ATP11A: variants seen among roughly 807,000 people sequenced by gnomAD.
ATP11A encodes the protein ATPase phospholipid transporting 11A, also known as phospholipid-transporting ATPase IH.
In ATP11A, 81 loss-of-function variants were observed where a neutral mutation model predicts 154.4. That is an observed-to-expected ratio of 0.52 (90% CI 0.44 to 0.63). The LOEUF (loss-of-function observed/expected upper bound fraction) is 0.63. ATP11A is among the 30% of genes least tolerant of loss of function. The pLI is 0.00. For synonymous variants in ATP11A, 623 were observed against 585.9 expected (o/e 1.06, Z -0.91); for missense variants, 1,316 against 1,474.3 (o/e 0.89, Z 1.76).
chr13:112,749,499 C>A (rs1195006963), intron 1 of ATP11A, among the ~76,000 whole-genome samples: 3 of 152,142 alleles, frequency 2.0e-5, no homozygotes. Flanking sequence ...AAAAGTCTTA[C>A]AGATAAAAAT....
chr13:112,780,114 ACCATGCATGCCTT>A (rs58881020), intron 1 of ATP11A, among the ~76,000 whole-genome samples: 8,526 of 151,924 alleles, frequency 0.056, 760 homozygotes, highest in African/African-American at 0.19. Context: ...TCGTGTGCAA[ACCATGCATGCCTT>A]TCATTTGGCA....
intron 1 of ATP11A, among the ~76,000 whole-genome samples, chr13:112,692,685 C>T (rs147923614): frequency 6.6e-6 from 1 of 152,242 alleles, no homozygotes; most frequent in African/African-American, 2.4e-5. Flanking sequence ...TCTCATTCCA[C>T]CTGTGTTTTT....
Position 112,882,339 on chromosome 13 carries a change from G to A in ATP11A, c.*473G>A, listed in dbSNP as rs530866913. On this transcript the variant is annotated 3_prime_UTR_variant, in exon 30 of 30. Coordinates refer to ENST00000375645, the MANE Select transcript of ATP11A (RefSeq NM_015205.3). The surrounding 1 kb of genome is among the most constrained non-coding windows in gnomAD (Gnocchi z 5.1). ...TCATTGGCCTTTGCTGTCACTGGGA[G>A]AGAAGAGCCGTCCAGGGACCCATGG... 1 of 376,380 alleles carries A rather than the reference G, an allele frequency of 2.7e-6. No homozygotes were observed. Among genetic ancestry groups the A allele is most frequent in the African/African-American group, 2.1e-5 (1 of 47,860 alleles). The allele number at this position is 376,380 out of a possible 1,614,324, so 23.3% of individuals were successfully genotyped here. A position where few individuals can be genotyped will look rare whatever the true frequency, so the allele number is the denominator to read the frequency against.
rs1428456350 is a variant in ATP11A at position 112,826,703 on chromosome 13, G to A, written c.1033G>A (p.Ala345Thr). 6.2e-7 allele frequency: 1 copy of A among 1,614,172 alleles called. No individual in the cohort carries two copies. Among genetic ancestry groups the A allele is most frequent in the African/African-American group, 1.3e-5 (1 of 75,044 alleles). Residue 345 changes from alanine (A) to threonine (T), a missense_variant, in exon 12 of 30, where the codon GCA becomes ACA. By Grantham distance (58) the Ala-to-Thr change is moderately conservative (BLOSUM62 0). Around this residue, in one of 5 missense-constraint regions of ATP11A, gnomAD observed 876 missense variants for 1,006.8 expected, o/e 0.87. Transcript: ENST00000375645. ...CCTTCTGCTCTTGCAGTTCCTCAAGGCATTCACGGACTTCCTGGCCTTCAT... is the reference window on the plus strand; with the variant it reads ...CCTTCTGCTCTTGCAGTTCCTCAAGACATTCACGGACTTCCTGGCCTTCAT... ...SERQRNLFLK[A>T]FTDFLAFMVL...
chr13:112,841,060 G>A (rs1420486064), intron 16 of ATP11A, among the ~76,000 whole-genome samples: 3 of 152,278 alleles, frequency 2.0e-5, no homozygotes, highest in South Asian at 2.1e-4. Context: ...TCACCGCGCC[G>A]TAGCACGGCG....
Position 112,753,991 on chromosome 13 carries a change from G to A in ATP11A, c.40-31144G>A, listed in dbSNP as rs73565391. Among the ~76,000 whole-genome samples, 1,986 of 152,312 alleles carry A rather than the reference G, an allele frequency of 0.013. 38 individuals are homozygous for A. The highest frequency in any genetic ancestry group is 0.044 in the African/African-American group (1,813 of 41,560). On this transcript the variant is annotated intron_variant, in intron 1 of 29. Transcript: ENST00000375645. This position sits in a 1 kb window ranked among gnomAD's most constrained non-coding sequence, Gnocchi z 4.1. ...GCCTCTGAAGCTGGTTCTGCCACAC[G>A]CCTGACAGGCCGATCACAGCCTGAC... is the stretch of plus-strand genomic sequence containing the variant.
At chr13:112,748,482 C>G (rs898974772) in intron 1 of ATP11A, among the ~76,000 whole-genome samples, 3 of 152,202 alleles carry the variant, frequency 2.0e-5, no homozygotes, top group Non-Finnish European at 4.4e-5. Context: ...CCTCCCATCT[C>G]AGCCTCCAGA....
At chr13:112,738,678 CT>C (rs1317434404) in intron 1 of ATP11A, among the ~76,000 whole-genome samples, 1 of 152,170 alleles carries the variant, frequency 6.6e-6, no homozygotes, top group African/African-American at 2.4e-5. Context: ...CCCTCTGACC[CT>C]ATTCTGCTGC....
intron 2 of ATP11A, among the ~76,000 whole-genome samples, chr13:112,791,656 G>T (rs968870653): frequency 2.0e-5 from 3 of 152,076 alleles, no homozygotes; most frequent in African/African-American, 7.2e-5. Context: ...TGTCCGTTTC[G>T]AACGTCACTG....
At chr13:112,723,285 T>TCCCCACCCCCCCCCACCTCCCCCCACCC (rs1889408866) in intron 1 of ATP11A, among the ~76,000 whole-genome samples, 1 of 11,394 alleles carries the variant, frequency 8.8e-5, no homozygotes, top group African/African-American at 4.0e-4. Context: ...GCCACAGAGT[T>TCCCCACCCCCCCCCACCTCCCCCCACCC]CCCCACCTCC....
At chr13:112,784,624 G>A (rs1441366692) in intron 1 of ATP11A, among the ~76,000 whole-genome samples, 6 of 151,228 alleles carry the variant, frequency 4.0e-5, no homozygotes, top group African/African-American at 9.7e-5. Flanking sequence ...CCGGGTTCAC[G>A]CCATTCTCCT....
chr13:112,745,031 C>T (rs1349485034), intron 1 of ATP11A, among the ~76,000 whole-genome samples: 2 of 152,182 alleles, frequency 1.3e-5, no homozygotes, highest in Non-Finnish European at 2.9e-5. Context: ...CTAAGACTTA[C>T]TAGTTTCGAG....
At chr13:112,709,936 T>C (rs965281927) in intron 1 of ATP11A, among the ~76,000 whole-genome samples, 1 of 152,244 alleles carries the variant, frequency 6.6e-6, no homozygotes, top group Non-Finnish European at 1.5e-5. Flanking sequence ...GCCGCGCTGC[T>C]CCCTGCTGCT....
chr13:112,849,788 C>G (rs1566569330), intron 17 of ATP11A, among the ~76,000 whole-genome samples: 1 of 152,244 alleles, frequency 6.6e-6, no homozygotes, highest in African/African-American at 2.4e-5. Context: ...ACAATAGAGG[C>G]AAACCCGTGA....
At chr13:112,726,229 A>G (rs977601220) in intron 1 of ATP11A, among the ~76,000 whole-genome samples, 9 of 147,524 alleles carry the variant, frequency 6.1e-5, no homozygotes, top group African/African-American at 2.3e-4. Flanking sequence ...GTGCAGGGAG[A>G]GGAGCCAGGG....
In ATP11A at chr13:112,690,514, C is replaced by T. The variant is rs1472599651; in HGVS notation, c.39+59C>T. On this transcript the variant is annotated intron_variant, in intron 1 of 29. Transcript: ENST00000375645. The surrounding 1 kb of genome is among the most constrained non-coding windows in gnomAD (Gnocchi z 5.6). ...GGACCAGACAGACGCGGGCCGGCCC[C>T]GCAGCCCGGACCCTGTGGCCGGTCC... The T allele has an allele frequency of 1.6e-6, 2 of 1,267,052 alleles. No homozygotes were observed. Among genetic ancestry groups the T allele is most frequent in the African/African-American group, 1.5e-5 (1 of 64,942 alleles). The allele number at this position is 1,267,052 out of a possible 1,614,324, so 78.5% of individuals were successfully genotyped here.
chr13:112,726,252 C>T lies in ATP11A; in HGVS notation c.39+35797C>T, dbSNP rs150581208. Reference sequence around the variant, plus strand: ...AGAGGAGCCAGGGAGGAAGCACGTGCGTGCAGGGAGAGGGGCCAGAGGGCA... The same window carrying T: ...AGAGGAGCCAGGGAGGAAGCACGTGTGTGCAGGGAGAGGGGCCAGAGGGCA... On this transcript the variant is annotated intron_variant, in intron 1 of 29. Coordinates refer to ENST00000375645, the MANE Select transcript of ATP11A (RefSeq NM_015205.3). 3.6e-4 allele frequency among the ~76,000 whole-genome samples: 51 copies of T among 142,104 alleles called. 2 individuals carry two copies. The East Asian group carries it at 0.01, about 28-fold the overall frequency. The allele number at this position is 142,104 out of a possible 152,430, so 93.2% of individuals were successfully genotyped here. A position where few individuals can be genotyped will look rare whatever the true frequency, so the allele number is the denominator to read the frequency against.
rs150315704 is a variant in ATP11A, at chr13:112,791,965, G to A, written c.162+6708G>A. Among the ~76,000 whole-genome samples, 34 of 152,322 alleles carry A rather than the reference G, an allele frequency of 2.2e-4. No homozygotes were observed. In the East Asian group the frequency reaches 4.3e-3, roughly 19 times the overall value. On this transcript the variant is annotated intron_variant, in intron 2 of 29. Coordinates refer to ENST00000375645, the MANE Select transcript of ATP11A (RefSeq NM_015205.3). ...TCTCAGGAGCGCCGTCTGCGTGCAGGTGGAGGGTGTGGCGGGGCCAGGAGA... is the reference window on the plus strand; with the variant it reads ...TCTCAGGAGCGCCGTCTGCGTGCAGATGGAGGGTGTGGCGGGGCCAGGAGA...
intron 27 of ATP11A, among the ~76,000 whole-genome samples, chr13:112,874,623 G>A (rs1411636258): frequency 2.0e-5 from 3 of 152,100 alleles, no homozygotes; most frequent in African/African-American, 7.2e-5. Flanking sequence ...ATCCCTCAGG[G>A]CCCCTGACCT....
Sources: allele counts gnomAD v4.1 joint callset (sites outside exome capture counted in the v4.1 genomes callset), GRCh38; gene constraint gnomAD v4.1.1; regional missense constraint gnomAD v4.1.1; non-coding constraint Gnocchi (gnomAD v3.1); transcripts MANE v1.5; gene names NCBI Gene and HGNC (gene_info 2026-07-23, HGNC 2026-07-21).